Variants in SPATA45 observed in about 807,000 individuals in gnomAD.
SPATA45 encodes spermatogenesis associated 45.
Under a neutral mutation model 7.0 loss-of-function variants are expected in SPATA45, and 5 were observed. The observed-to-expected ratio is 0.71, with a 90% CI of 0.37 to 1.50. The LOEUF (loss-of-function observed/expected upper bound fraction) is 1.50. SPATA45 is among the 40% of genes most tolerant of loss of function. The pLI is 0.03. For missense variants in SPATA45, 111 were observed against 114.9 expected, an observed-to-expected ratio of 0.97 and a Z score of 0.16; for synonymous variants, 40 against 38.7, an observed-to-expected ratio of 1.03 and a Z score of -0.13.
chr1:212,838,084 T>C (rs868113738), intron 1 of SPATA45, among the ~76,000 whole-genome samples: 11 of 151,524 alleles, frequency 7.3e-5, no homozygotes, highest in African/African-American at 2.7e-4. Flanking sequence ...ATGGGTCACC[T>C]GAGGTCAGGA....
intron 1 of SPATA45, among the ~76,000 whole-genome samples, chr1:212,839,860 A>G (rs2102511920): frequency 6.6e-6 from 1 of 151,800 alleles, no homozygotes; most frequent in East Asian, 1.9e-4. Flanking sequence ...TTGTATGTCA[A>G]TGACCAGTCA....
At position 212,832,015 on chromosome 1, in the gene SPATA45, C is replaced by CTTT. The variant is rs10645815; in HGVS notation, c.278-1757_278-1755dup. Among the ~76,000 whole-genome samples the CTTT allele has an allele frequency of 2.7e-3, 256 of 93,578 alleles. 4 individuals carry two copies. The highest frequency in any genetic ancestry group is 3.0e-3 in the African/African-American group (73 of 24,492). 61.4% of individuals were successfully genotyped at this position (93,578 alleles called of 152,430 possible). A position where few individuals can be genotyped will look rare whatever the true frequency, so the allele number is the denominator to read the frequency against. On this transcript the variant is annotated intron_variant, in intron 2 of 2. Coordinates refer to ENST00000332912, the MANE Select transcript of SPATA45 (RefSeq NM_001024601.3). ...CACTATCTGATCGGACATTTACTTC[C>CTTT]TTTTTTTTTTTTTTTTTTTTGAGAC...
chr1:212,839,411 G>A (rs1663640464), intron 1 of SPATA45, among the ~76,000 whole-genome samples: 1 of 151,152 alleles, frequency 6.6e-6, no homozygotes. Flanking sequence ...GAGCTCAGGA[G>A]TTCAAGACCA....
chr1:212,844,107 T>C (rs984516253), intron 1 of SPATA45, among the ~76,000 whole-genome samples: 18 of 152,328 alleles, frequency 1.2e-4, no homozygotes, highest in African/African-American at 3.8e-4. Flanking sequence ...TGGTCAGAAT[T>C]CTTACACAAG....
intron 1 of SPATA45, among the ~76,000 whole-genome samples, chr1:212,843,100 T>TACACACACACACACACACAC (rs367648433): frequency 1.6e-5 from 2 of 121,930 alleles, no homozygotes; most frequent in Admixed American, 1.7e-4. Context: ...CCGTCAAACA[T>TACACACACACACACACACAC]ACACACACAC....
At chr1:212,842,282 G>A (rs1385835585) in intron 1 of SPATA45, among the ~76,000 whole-genome samples, 1 of 151,944 alleles carries the variant, frequency 6.6e-6, no homozygotes, top group Non-Finnish European at 1.5e-5. Flanking sequence ...GGAGGCTGAG[G>A]CTGGAGAATT....
intron 1 of SPATA45, among the ~76,000 whole-genome samples, chr1:212,843,731 C>A (rs1663737989): frequency 6.6e-6 from 1 of 152,156 alleles, no homozygotes; most frequent in Non-Finnish European, 1.5e-5. Context: ...CAGGCCAATT[C>A]CAACTGCTAA....
At position 212,836,046 on chromosome 1, in the gene SPATA45, A is replaced by G; in HGVS notation, c.104T>C (p.Val35Ala). Residue 35 changes from valine (V) to alanine (A), a missense_variant, in exon 2 of 3, where the codon GTG (valine) becomes GCG (alanine). Coordinates refer to ENST00000332912, the MANE Select transcript of SPATA45 (RefSeq NM_001024601.3). ...TAAGCTGACTTGATTGCTTCGTTCC[A>G]CCAAGCAGTTGGATTCACGCTTTTT... ...INKKRESNCLVERSNQVSLLR... is the reference protein window; with the variant it reads ...INKKRESNCLAERSNQVSLLR... The G allele has an allele frequency of 6.2e-7, 1 of 1,611,150 alleles. No homozygotes were observed.
rs1388850648 is a variant in SPATA45, at chr1:212,836,200, GA to G, written c.-38-14del. On this transcript the variant is annotated splice_polypyrimidine_tract_variant and intron_variant, in intron 1 of 2. Coordinates refer to ENST00000332912, the MANE Select transcript of SPATA45 (RefSeq NM_001024601.3). Reference sequence around the variant, plus strand: ...GATTCTTGCTGTCCTACAAACAAATGAAAAAATACTTTCAATTGTCTTTTTG... The same window carrying G: ...GATTCTTGCTGTCCTACAAACAAATGAAAAATACTTTCAATTGTCTTTTTG... 1 of 1,483,034 alleles carries G rather than the reference GA, an allele frequency of 6.7e-7. No individual in the cohort carries two copies. Among genetic ancestry groups the G allele is most frequent in the Non-Finnish European group, 9.2e-7 (1 of 1,089,662 alleles). The allele number at this position is 1,483,034 out of a possible 1,614,324, so 91.9% of individuals were successfully genotyped here.
intron 2 of SPATA45, among the ~76,000 whole-genome samples, chr1:212,830,714 G>A (rs1177544123): frequency 1.3e-5 from 2 of 149,816 alleles, no homozygotes; most frequent in Non-Finnish European, 3.0e-5. Flanking sequence ...CAGGCGCTGT[G>A]GCTCACGCCT....
chr1:212,840,192 T>G (rs756734030), intron 1 of SPATA45, among the ~76,000 whole-genome samples: 8 of 151,508 alleles, frequency 5.3e-5, no homozygotes, highest in Non-Finnish European at 1.2e-4. Flanking sequence ...GGCAGGCAGA[T>G]CACCTGTCAG....
chr1:212,839,002 C>G (rs1216677590), intron 1 of SPATA45, among the ~76,000 whole-genome samples: 3 of 151,150 alleles, frequency 2.0e-5, no homozygotes, highest in African/African-American at 7.3e-5. Flanking sequence ...GCCACCAGGC[C>G]CAGCCCACTG....
Position 212,837,351 on chromosome 1 carries a change from C to T in SPATA45, c.-38-1164G>A, listed in dbSNP as rs562044739. The stretch of plus-strand genomic sequence containing the variant: ...AAGGGATTTTATTTTTTAAAAGTGG[C>T]GGCCAGGCGCTGTGGCTCATGCCTG... On this transcript the variant is annotated intron_variant, in intron 1 of 2. Coordinates refer to ENST00000332912, the MANE Select transcript of SPATA45 (RefSeq NM_001024601.3). 2.2e-4 allele frequency among the ~76,000 whole-genome samples: 34 copies of T among 151,540 alleles called. 1 individual carries two copies. The highest frequency in any genetic ancestry group is 1.9e-3 in the Admixed American group (29 of 15,180).
chr1:212,840,497 G>T (rs983589803), intron 1 of SPATA45, among the ~76,000 whole-genome samples: 1 of 152,150 alleles, frequency 6.6e-6, no homozygotes, highest in South Asian at 2.1e-4. Flanking sequence ...TTGCTCTGTC[G>T]TCCAGGCTGG....
intron 1 of SPATA45, among the ~76,000 whole-genome samples, chr1:212,840,051 T>C (rs1663651559): frequency 6.6e-6 from 1 of 151,864 alleles, no homozygotes. Context: ...TCATTAGTAA[T>C]AAAAATGTAA....
intron 1 of SPATA45, among the ~76,000 whole-genome samples, chr1:212,845,264 A>G (rs974447593): frequency 6.6e-6 from 1 of 151,920 alleles, no homozygotes; most frequent in African/African-American, 2.4e-5. Flanking sequence ...GGGATTGTTC[A>G]GGCCCCCTCC....
chr1:212,838,740 C>T (rs1663630820), intron 1 of SPATA45, among the ~76,000 whole-genome samples: 1 of 151,560 alleles, frequency 6.6e-6, no homozygotes, highest in African/African-American at 2.4e-5. Context: ...CTCTTTCTGT[C>T]ACCCAGGCTA....
chr1:212,830,220 C>T lies in SPATA45; in HGVS notation c.*22G>A, dbSNP rs772133447. 8 of 1,504,220 alleles carry T rather than the reference C, an allele frequency of 5.3e-6. No individual in the cohort carries two copies. The highest frequency in any genetic ancestry group is 2.3e-5 in the East Asian group (1 of 43,644). The allele number at this position is 1,504,220 out of a possible 1,614,324, so 93.2% of individuals were successfully genotyped here. A position where few individuals can be genotyped will look rare whatever the true frequency, so the allele number is the denominator to read the frequency against. On this transcript the variant is annotated 3_prime_UTR_variant, in exon 3 of 3. Transcript: ENST00000332912. ...AGAAGAATCAAAGAGAATGTATTTCCGTGTGTCTCTGGAGATGCACTTTAT... is the reference window on the plus strand; with the variant it reads ...AGAAGAATCAAAGAGAATGTATTTCTGTGTGTCTCTGGAGATGCACTTTAT...
At chr1:212,832,679 C>T (rs1663511019) in intron 2 of SPATA45, among the ~76,000 whole-genome samples, 2 of 151,458 alleles carry the variant, frequency 1.3e-5, no homozygotes, top group Admixed American at 6.6e-5. Flanking sequence ...CCTTCCAATT[C>T]GTATTGAATA....
Sources: gnomAD v4.1 joint callset for allele counts (sites outside exome capture counted in the v4.1 genomes callset) on GRCh38, gnomAD v4.1.1 for gene constraint, MANE v1.5 for transcripts, NCBI Gene and HGNC (gene_info 2026-07-23, HGNC 2026-07-21) for gene names.